Variants in BHMT observed in about 807,000 individuals in gnomAD.
BHMT encodes betaine--homocysteine S-methyltransferase 1.
In BHMT, 38 loss-of-function variants were observed where a neutral mutation model predicts 49.5. The observed-to-expected ratio is 0.77, with a 90% CI of 0.59 to 1.01. BHMT has a LOEUF of 1.01. BHMT is among the 50% of genes least tolerant of loss of function. BHMT has a pLI of 0.00. For synonymous variants in BHMT, 166 were observed against 176.3 expected, an observed-to-expected ratio of 0.94 and a Z score of 0.46; for missense variants, 426 against 495.7, an observed-to-expected ratio of 0.86 and a Z score of 1.34.
In BHMT at chr5:79,119,392, C is replaced by T. The variant is rs1444450239; in HGVS notation, c.285+15C>T. On this transcript the variant is annotated intron_variant, in intron 3 of 7. Transcript: ENST00000274353. Reference sequence around the variant, plus strand: ...AGAAGATATCTGTGAGTAAAACCAGCCGTGGGACTTTTAGAAGGATATTGT... The same window carrying T: ...AGAAGATATCTGTGAGTAAAACCAGTCGTGGGACTTTTAGAAGGATATTGT... The T allele has an allele frequency of 9.5e-6, 15 of 1,583,538 alleles. No homozygotes were observed. The highest frequency in any genetic ancestry group is 1.3e-5 in the Non-Finnish European group (15 of 1,154,644).
intron 2 of BHMT, 24 bp downstream of exon 2, chr5:79,115,923 G>A (rs564379184): frequency 1.3e-6 from 2 of 1,593,960 alleles, no homozygotes; most frequent in East Asian, 2.3e-5. Flanking sequence ...TCTATTGTAA[G>A]TTCTCATAAA....
rs1349328524 is a variant in BHMT, at chr5:79,131,767, C to T, written c.*651C>T. On this transcript the variant is annotated 3_prime_UTR_variant, in exon 8 of 8. Transcript: ENST00000274353. ...GCTACAAGACACTTAAGGAGACCAT[C>T]CTGTTTAAGTTTATTCTTATAAGTA... 6.6e-6 allele frequency: 1 copy of T among 152,186 alleles called. No individual in the cohort carries two copies. The highest frequency in any genetic ancestry group is 1.9e-4 in the East Asian group (1 of 5,198). 9.4% of individuals were successfully genotyped at this position (152,186 alleles called of 1,614,324 possible). A position where few individuals can be genotyped will look rare whatever the true frequency, so the allele number is the denominator to read the frequency against.
chr5:79,129,311 G>C (rs568425030), intron 7 of BHMT, among the ~76,000 whole-genome samples: 2 of 152,348 alleles, frequency 1.3e-5, no homozygotes, highest in East Asian at 3.9e-4. Flanking sequence ...GCAAAAGGCA[G>C]AGAGAGGGTG....
chr5:79,121,792 G>A (rs1378985157), intron 5 of BHMT, among the ~76,000 whole-genome samples: 2 of 143,854 alleles, frequency 1.4e-5, no homozygotes, highest in Non-Finnish European at 3.0e-5. Context: ...TCCAGCCTGG[G>A]CGAAAGAGCG....
chr5:79,111,985 G>A, intron 1 of BHMT, 67 bp downstream of exon 1: 14 of 1,465,026 alleles, frequency 9.6e-6, no homozygotes, highest in Non-Finnish European at 1.2e-5. Flanking sequence ...CCAGCCTCTG[G>A]GAGCGCAGAG....
rs1019608054 is a variant in BHMT at position 79,127,781 on chromosome 5, T to C, written c.835T>C (p.Trp279Arg). ...FGLEPRVATR[W>R]DIQKYAREAY... is the part of the protein sequence containing the mutation. ...ACTGGAACCCAGAGTTGCCACCAGA[T>C]GGGATATTCAAAAATACGCCAGAGA... The change falls in exon 7 of 8, where the codon TGG (tryptophan) becomes CGG (arginine). Residue 279 changes from tryptophan (W) to arginine (R), a missense_variant. This residue lies in a region of BHMT where 321 missense variants were observed against 355.9 expected (regional missense o/e 0.90). Transcript: ENST00000274353. 1.9e-6 allele frequency: 3 copies of C among 1,614,052 alleles called. No individual in the cohort carries two copies. The highest frequency in any genetic ancestry group is 2.5e-6 in the Non-Finnish European group (3 of 1,179,926).
intron 5 of BHMT, among the ~76,000 whole-genome samples, chr5:79,121,817 T>TAA (rs34861837): frequency 0.035 from 4,443 of 126,176 alleles, 116 homozygotes; most frequent in South Asian, 0.083. Context: ...TCCGTCTCAA[T>TAA]AAAAAAAAAA....
At chr5:79,125,606 T>C (rs111296572) in intron 5 of BHMT, among the ~76,000 whole-genome samples, 11 of 152,092 alleles carry the variant, frequency 7.2e-5, no homozygotes, top group Non-Finnish European at 1.5e-4. Flanking sequence ...TTGTGGGGAA[T>C]GAGGACCTAA....
At position 79,121,382 on chromosome 5, in the gene BHMT, A is replaced by G. The variant is rs915884522; in HGVS notation, c.625+17A>G. 2 of 1,613,960 alleles carry G rather than the reference A, an allele frequency of 1.2e-6. No homozygotes were observed. The highest frequency in any genetic ancestry group is 1.7e-6 in the Non-Finnish European group (2 of 1,179,806). On this transcript the variant is annotated intron_variant, in intron 5 of 7. Coordinates refer to ENST00000274353, the MANE Select transcript of BHMT (RefSeq NM_001713.3). ...TGAAAGCAGGTGATGATAGATTTCA[A>G]TCAGTTTGTGATTAGTAAGTCTTAA...
chr5:79,124,463 A>C (rs1052826343), intron 5 of BHMT, among the ~76,000 whole-genome samples: 1 of 22,004 alleles, frequency 4.5e-5, no homozygotes, highest in African/African-American at 8.8e-5. Flanking sequence ...TTTAAAATGC[A>C]AAAAAAAAAA....
intron 3 of BHMT, among the ~76,000 whole-genome samples, chr5:79,120,081 A>G (rs1207451613): frequency 1.3e-5 from 2 of 152,212 alleles, no homozygotes; most frequent in Non-Finnish European, 2.9e-5. Flanking sequence ...GATACCAGAT[A>G]ACATCCTTCA....
intron 5 of BHMT, 76 bp downstream of exon 5, chr5:79,121,441 A>G: frequency 6.5e-7 from 1 of 1,527,326 alleles, no homozygotes; most frequent in Non-Finnish European, 8.9e-7. Flanking sequence ...TCTACAAATC[A>G]GTGTATACTA....
chr5:79,121,475 A>G (rs1756471994), intron 5 of BHMT, 110 bp downstream of exon 5: 2 of 1,358,884 alleles, frequency 1.5e-6, no homozygotes, highest in Non-Finnish European at 9.8e-7. Flanking sequence ...AAAAACCATT[A>G]ATTTATTTTT....
At chr5:79,112,328 C>T (rs913176487) in intron 1 of BHMT, among the ~76,000 whole-genome samples, 4 of 152,214 alleles carry the variant, frequency 2.6e-5, no homozygotes, top group African/African-American at 4.8e-5. Context: ...AGAAAACTCC[C>T]TAGAGATACT....
chr5:79,127,804 A>G lies in BHMT; in HGVS notation c.858A>G (p.Arg286=), dbSNP rs60339751. Residue 286 remains arginine, a synonymous_variant, in exon 7 of 8, where the codon AGA becomes AGG. Coordinates refer to ENST00000274353, the MANE Select transcript of BHMT (RefSeq NM_001713.3). ...GATGGGATATTCAAAAATACGCCAG[A>G]GAGGCCTACAACCTGGGGGTCAGGT... ...ATRWDIQKYA[R]EAYNLGVRYI... The G allele has an allele frequency of 1.2e-6, 2 of 1,614,186 alleles. No homozygotes were observed. The highest frequency in any genetic ancestry group is 1.7e-6 in the Non-Finnish European group (2 of 1,180,010).
intron 7 of BHMT, among the ~76,000 whole-genome samples, chr5:79,128,449 G>T (rs1413205326): frequency 6.8e-6 from 1 of 147,550 alleles, no homozygotes; most frequent in Admixed American, 7.0e-5. Flanking sequence ...AGAATTGCTT[G>T]AACCCGGGAG....
At chr5:79,125,993 C>A in intron 5 of BHMT, 53 bp from the exon 6 acceptor site, 1 of 1,526,212 alleles carries the variant, frequency 6.6e-7, no homozygotes, top group Non-Finnish European at 8.9e-7. Context: ...GGAGAGCTGG[C>A]CCTGCTGGTT....
rs527447164 is a variant in BHMT at position 79,127,643 on chromosome 5, T to A, written c.809-112T>A. On this transcript the variant is annotated intron_variant, in intron 6 of 7. Transcript: ENST00000274353. ...CAAAGTTTTTTCTTAAATGTAAAAATTGAATATTGAAAACAATTCATTTAT... is the reference window on the plus strand; with the variant it reads ...CAAAGTTTTTTCTTAAATGTAAAAAATGAATATTGAAAACAATTCATTTAT... 8.5e-5 allele frequency: 116 copies of A among 1,363,120 alleles called. 1 individual carries two copies. In the South Asian group the frequency reaches 1.7e-3, roughly 20 times the overall value. The allele number at this position is 1,363,120 out of a possible 1,614,324, so 84.4% of individuals were successfully genotyped here.
chr5:79,125,904 C>T (rs1756545036), intron 5 of BHMT, 142 bp from the exon 6 acceptor site: 2 of 789,544 alleles, frequency 2.5e-6, no homozygotes, highest in South Asian at 2.0e-5. Flanking sequence ...GATCACGCTA[C>T]TGCACTCCAG....
Sources: gnomAD v4.1 joint callset for allele counts (sites outside exome capture counted in the v4.1 genomes callset) on GRCh38, gnomAD v4.1.1 for gene constraint, gnomAD v4.1.1 regional missense constraint, MANE v1.5 for transcripts, NCBI Gene and HGNC (gene_info 2026-07-23, HGNC 2026-07-21) for gene names.